The following CCDC88A variants were observed in gnomAD, a reference collection of about 807,000 sequenced individuals.
The protein encoded by CCDC88A is coiled-coil and HOOK domain protein 88A, also known as girdin.
A neutral mutation model predicts 234.3 loss-of-function variants in CCDC88A; 54 were observed. The ratio of observed to expected loss-of-function variants is 0.23; its 90% CI spans 0.19 to 0.29. The LOEUF (loss-of-function observed/expected upper bound fraction) is 0.29, where lower values mean the gene tolerates loss of function less well. CCDC88A is among the 10% of genes least tolerant of loss of function. The pLI, the probability that CCDC88A is intolerant of heterozygous loss-of-function variation, is 1.00. For synonymous variants in CCDC88A, 753 were observed against 737.8 expected (o/e 1.02, Z -0.33); for missense variants, 1,832 against 2,123.4 (o/e 0.86, Z 2.70).
intron 32 of CCDC88A, 168 bp downstream of exon 32, chr2:55,291,508 C>T (rs148959590): frequency 1.0e-5 from 4 of 396,424 alleles, no homozygotes; most frequent in African/African-American, 4.1e-5. Flanking sequence ...AGGTAAAAAC[C>T]TATGGCAGCC....
chr2:55,345,164 C>T (rs2104725709), intron 10 of CCDC88A, among the ~76,000 whole-genome samples: 1 of 152,290 alleles, frequency 6.6e-6, no homozygotes, highest in African/African-American at 2.4e-5. Flanking sequence ...CAGTGTCATG[C>T]ATACACAAGT....
chr2:55,353,585 T>A (rs903462649), intron 8 of CCDC88A, among the ~76,000 whole-genome samples: 1 of 149,902 alleles, frequency 6.7e-6, no homozygotes, highest in Admixed American at 6.7e-5. Context: ...ATAAATTTAA[T>A]TGCTACACTG....
Position 55,332,514 on chromosome 2 carries a change from G to C in CCDC88A, c.2855+52C>G. On this transcript the variant is annotated intron_variant, in intron 16 of 32. Coordinates refer to ENST00000436346, the MANE Select transcript of CCDC88A (RefSeq NM_001365480.1). This position sits in a 1 kb window ranked among gnomAD's most constrained non-coding sequence, Gnocchi z 4.5. ...TAGTACAGAAAGAATTCATGTATGA[G>C]CAAAAAAAAAAAAAAATTTTCAACT... The C allele has an allele frequency of 6.8e-7, 1 of 1,464,674 alleles. No homozygotes were observed. The highest frequency in any genetic ancestry group is 1.2e-5 in the South Asian group (1 of 80,664). 90.7% of individuals were successfully genotyped at this position (1,464,674 alleles called of 1,614,324 possible).
rs1682018178 is a variant in CCDC88A at position 55,309,277 on chromosome 2, T to C, written c.4080-23A>G. ...TCACTATAAAATAAAAATTACCTTT[T>C]AGGACAGGCATCATATTTTGTACAG... is the stretch of plus-strand genomic sequence containing the variant. On this transcript the variant is annotated intron_variant, in intron 23 of 32. Transcript: ENST00000436346. This position sits in a 1 kb window ranked among gnomAD's most constrained non-coding sequence, Gnocchi z 5.1. The C allele has an allele frequency of 5.6e-6, 6 of 1,067,188 alleles. No individual in the cohort carries two copies. In the Admixed American group the frequency reaches 8.1e-5, roughly 14 times the overall value. The allele number at this position is 1,067,188 out of a possible 1,614,324, so 66.1% of individuals were successfully genotyped here.
chr2:55,346,315 C>A lies in CCDC88A; in HGVS notation c.901G>T (p.Asp301Tyr). 6.3e-7 allele frequency: 1 copy of A among 1,591,106 alleles called. No homozygotes were observed. Among genetic ancestry groups the A allele is most frequent in the South Asian group, 1.2e-5 (1 of 85,454 alleles). ...CGGTACATTCTGGCAGAGCGAGCAT[C>A]CGAAAGCAAATTCATGTTCTAAACA... The part of the protein sequence containing the change: ...LQQENMNLLS[D>Y]ARSARMYRDE... Residue 301 changes from aspartate (D) to tyrosine (Y), a missense_variant, in exon 10 of 33, where the codon GAT (aspartate) becomes TAT (tyrosine). Asp to Tyr is a radical substitution (Grantham distance 160). Coordinates refer to ENST00000436346, the MANE Select transcript of CCDC88A (RefSeq NM_001365480.1).
In CCDC88A at chr2:55,362,353, T is replaced by A. The variant is rs1287249371; in HGVS notation, c.582A>T (p.Ala194=). The A allele has an allele frequency of 6.3e-7, 1 of 1,595,476 alleles. No homozygotes were observed. The change falls in exon 7 of 33, where the codon GCA becomes GCT. Residue 194 remains alanine (A), a synonymous_variant. Coordinates refer to ENST00000436346, the MANE Select transcript of CCDC88A (RefSeq NM_001365480.1). ...EDIEPLLKNM[A]LHLKRLIDER... Reference sequence around the variant, plus strand: ...CATCTATAAGTCTTTTTAGATGCAATGCCATATTTTTCAAGAGTGGTTCTA... The same window carrying A: ...CATCTATAAGTCTTTTTAGATGCAAAGCCATATTTTTCAAGAGTGGTTCTA...
chr2:55,416,443 A>AATAAAT (rs1553442861), intron 2 of CCDC88A, among the ~76,000 whole-genome samples: 4 of 15,840 alleles, frequency 2.5e-4, no homozygotes, highest in South Asian at 6.3e-3. Flanking sequence ...TAAATAAATA[A>AATAAAT]ATATATATAT....
intron 29 of CCDC88A, 172 bp from the exon 30 acceptor site, chr2:55,296,695 G>T: frequency 1.5e-6 from 1 of 645,774 alleles, no homozygotes; most frequent in Non-Finnish European, 2.6e-6. Flanking sequence ...TCTAACAATT[G>T]TCTGCCATAG....
At chr2:55,371,309 A>G (rs1030085764) in intron 5 of CCDC88A, among the ~76,000 whole-genome samples, 9 of 152,202 alleles carry the variant, frequency 5.9e-5, no homozygotes, top group African/African-American at 2.2e-4. Context: ...TTTTAATAAC[A>G]TATATTATGT....
At chr2:55,351,660 T>A (rs2104749308) in intron 8 of CCDC88A, among the ~76,000 whole-genome samples, 1 of 152,322 alleles carries the variant, frequency 6.6e-6, no homozygotes, top group East Asian at 1.9e-4. Flanking sequence ...TTTAACCATT[T>A]TTAAACATAT....
At chr2:55,372,600 C>T in intron 4 of CCDC88A, 90 bp from the exon 5 acceptor site, 1 of 641,022 alleles carries the variant, frequency 1.6e-6, no homozygotes, top group Admixed American at 2.8e-5. Flanking sequence ...TAATTATGCA[C>T]AGTAACTTGA....
At position 55,332,530 on chromosome 2, in the gene CCDC88A, A is replaced by T. The variant is rs541326590; in HGVS notation, c.2855+36T>A. 472 of 1,549,024 alleles carry T rather than the reference A, an allele frequency of 3.0e-4. No individual in the cohort carries two copies. Among genetic ancestry groups the T allele is most frequent in the Middle Eastern group, 5.4e-4 (3 of 5,566 alleles). ...CATGTATGAGCAAAAAAAAAAAAAAATTTTCAACTGTTTGCCAAGTAGACT... is the reference window on the plus strand; with the variant it reads ...CATGTATGAGCAAAAAAAAAAAAAATTTTTCAACTGTTTGCCAAGTAGACT... On this transcript the variant is annotated intron_variant, in intron 16 of 32. Transcript: ENST00000436346. The surrounding 1 kb of genome is among the most constrained non-coding windows in gnomAD (Gnocchi z 4.5).
rs894323317 is a variant in CCDC88A, at chr2:55,317,121, A to G, written c.3746+85T>C. ...AGTTTGGATGTAAGAAATAATACATAATTTTGAAAAAACATATATATACAC... is the reference window on the plus strand; with the variant it reads ...AGTTTGGATGTAAGAAATAATACATGATTTTGAAAAAACATATATATACAC... On this transcript the variant is annotated intron_variant, in intron 21 of 32. Coordinates refer to ENST00000436346, the MANE Select transcript of CCDC88A (RefSeq NM_001365480.1). The surrounding 1 kb of genome is among the most constrained non-coding windows in gnomAD (Gnocchi z 4.2). The G allele has an allele frequency of 2.0e-6, 1 of 496,580 alleles. No homozygotes were observed. The highest frequency in any genetic ancestry group is 3.1e-6 in the Non-Finnish European group (1 of 326,012). The allele number at this position is 496,580 out of a possible 1,614,324, so 30.8% of individuals were successfully genotyped here. A position where few individuals can be genotyped will look rare whatever the true frequency, so the allele number is the denominator to read the frequency against.
chr2:55,317,345 T>C lies in CCDC88A; in HGVS notation c.3607A>G (p.Asn1203Asp), dbSNP rs1190480318. ...VEHRDLEDRY[N>D]QLLKQKGQLE... The stretch of plus-strand genomic sequence containing the variant: ...TGTCCTTTCTGTTTTAATAACTGAT[T>C]GTAACTGGGGGGAAAAAAGGCATTT... Residue 1203 changes from asparagine (N) to aspartate (D), a missense_variant, in exon 21 of 33, where the codon AAT becomes GAT. Physicochemically the swap from Asn to Asp is conservative, Grantham distance 23. This residue lies in a region of CCDC88A where 1,282 missense variants were observed against 1,543.6 expected (regional missense o/e 0.83). Coordinates refer to ENST00000436346, the MANE Select transcript of CCDC88A (RefSeq NM_001365480.1). This position sits in a 1 kb window ranked among gnomAD's most constrained non-coding sequence, Gnocchi z 4.2. The C allele has an allele frequency of 6.7e-7, 1 of 1,482,988 alleles. No individual in the cohort carries two copies. The allele number at this position is 1,482,988 out of a possible 1,614,324, so 91.9% of individuals were successfully genotyped here.
At chr2:55,396,695 C>T (rs1677638917) in intron 2 of CCDC88A, among the ~76,000 whole-genome samples, 1 of 151,876 alleles carries the variant, frequency 6.6e-6, no homozygotes, top group Admixed American at 6.6e-5. Flanking sequence ...AAGGTGAAAC[C>T]TCATCTCTAC....
chr2:55,324,736 C>T (rs1217278574), intron 17 of CCDC88A, among the ~76,000 whole-genome samples: 1 of 152,086 alleles, frequency 6.6e-6, no homozygotes, highest in East Asian at 1.9e-4. Context: ...ACCTCCACCT[C>T]CTGGGTTCAA....
At chr2:55,376,665 G>C (rs1673695314) in intron 3 of CCDC88A, among the ~76,000 whole-genome samples, 1 of 152,180 alleles carries the variant, frequency 6.6e-6, no homozygotes, top group African/African-American at 2.4e-5. Flanking sequence ...TATGCATCAT[G>C]TTAGAATAAG....
chr2:55,344,631 C>G (rs547627165), intron 10 of CCDC88A, 117 bp from the exon 11 acceptor site: 13 of 499,792 alleles, frequency 2.6e-5, no homozygotes, highest in Non-Finnish European at 4.3e-5. Context: ...ATGAGGAAAC[C>G]TACTGAGTAA....
At position 55,317,770 on chromosome 2, in the gene CCDC88A, C is replaced by G; in HGVS notation, c.3396G>C (p.Gln1132His). 1 of 1,613,030 alleles carries G rather than the reference C, an allele frequency of 6.2e-7. No homozygotes were observed. The highest frequency in any genetic ancestry group is 8.5e-7 in the Non-Finnish European group (1 of 1,179,272). The change falls in exon 20 of 33, where the codon CAG (glutamine) becomes CAC (histidine). Residue 1132 changes from glutamine (Q) to histidine (H), a missense_variant. By Grantham distance (24) the Gln-to-His change is conservative. This residue lies in a region of CCDC88A where 1,282 missense variants were observed against 1,543.6 expected (regional missense o/e 0.83). Coordinates refer to ENST00000436346, the MANE Select transcript of CCDC88A (RefSeq NM_001365480.1). The surrounding 1 kb of genome is among the most constrained non-coding windows in gnomAD (Gnocchi z 4.2). ...ATTCATTTTCATTTTCTAAGGAAGACTGCTGGATTAGGAGTTGGGCATTCT... is the reference window on the plus strand; with the variant it reads ...ATTCATTTTCATTTTCTAAGGAAGAGTGCTGGATTAGGAGTTGGGCATTCT... ...MNQNAQLLIQ[Q>H]SSLENENESV...
Sources: allele counts gnomAD v4.1 joint callset (sites outside exome capture counted in the v4.1 genomes callset), GRCh38; gene constraint gnomAD v4.1.1; regional missense constraint gnomAD v4.1.1; non-coding constraint Gnocchi (gnomAD v3.1); transcripts MANE v1.5; gene names NCBI Gene and HGNC (gene_info 2026-07-23, HGNC 2026-07-21).